Variants in STRN4 observed in about 807,000 individuals in gnomAD.
STRN4 encodes the protein striatin-4.
A neutral mutation model predicts 77.9 loss-of-function variants in STRN4; 27 were observed. That is an observed-to-expected ratio of 0.35 (90% CI 0.26 to 0.48). The LOEUF (loss-of-function observed/expected upper bound fraction) is 0.48, where lower values mean the gene tolerates loss of function less well. Among genes scored for constraint, STRN4 ranks in the 20% least tolerant of loss-of-function variants. The probability of loss-of-function intolerance (pLI) is 0.99; values close to 1 mark genes in which losing one functional copy is unlikely to be tolerated. For synonymous variants in STRN4, 466 were observed against 443.1 expected (o/e 1.05, Z -0.65); for missense variants, 798 against 1,049.7 (o/e 0.76, Z 3.31).
intron 8 of STRN4, 79 bp from the exon 9 acceptor site, chr19:46,727,625 G>C (rs778248893): frequency 1.3e-5 from 15 of 1,186,964 alleles, no homozygotes; most frequent in Non-Finnish European, 1.9e-5. Context: ...GAATGACAGA[G>C]AGAGGCAGAG....
At position 46,725,520 on chromosome 19, in the gene STRN4, G is replaced by A. The variant is rs201109051; in HGVS notation, c.1377C>T (p.Asp459=). Residue 459 remains aspartate, a synonymous_variant, in exon 10 of 18, where the codon GAC becomes GAT. Transcript: ENST00000263280. ...GCAGGTTCCAGAGCTTGAGCGTGCC[G>A]TCCTCGGAGGCGGTGAGCAGAGCCG... ...SQSALLTASE[D]GTLKLWNLQK... The A allele has an allele frequency of 2.2e-5, 36 of 1,614,144 alleles. No homozygotes were observed. The Admixed American group carries it at 2.7e-4, about 12-fold the overall frequency.
chr19:46,727,351 A>T, intron 9 of STRN4, 101 bp downstream of exon 9: 1 of 987,502 alleles, frequency 1.0e-6, no homozygotes, highest in Non-Finnish European at 1.5e-6. Context: ...TCTGTGAAAC[A>T]GGATGAGCAG....
In STRN4 at chr19:46,738,633, G is replaced by A; in HGVS notation, c.386+152C>T. ...ACCCAAATCCCACCTACTCTGTCCT[G>A]TTTCTCCCCTAGAATCTTATGGTAC... On this transcript the variant is annotated intron_variant, in intron 2 of 17. Coordinates refer to ENST00000263280, the MANE Select transcript of STRN4 (RefSeq NM_013403.3). The surrounding 1 kb of genome is among the most constrained non-coding windows in gnomAD (Gnocchi z 4.5). The A allele has an allele frequency of 1.3e-6, 1 of 763,558 alleles. No homozygotes were observed. Among genetic ancestry groups the A allele is most frequent in the Non-Finnish European group, 2.2e-6 (1 of 453,740 alleles). The allele number at this position is 763,558 out of a possible 1,614,324, so 47.3% of individuals were successfully genotyped here.
chr19:46,738,204 G>C lies in STRN4; in HGVS notation c.420C>G (p.Asp140Glu), dbSNP rs1179953180. 6.2e-7 allele frequency: 1 copy of C among 1,614,136 alleles called. No homozygotes were observed. The highest frequency in any genetic ancestry group is 1.7e-5 in the Admixed American group (1 of 60,020). The change falls in exon 3 of 18, where the codon GAC becomes GAG. Residue 140 changes from aspartate (D) to glutamate (E), a missense_variant. Physicochemically the swap from Asp to Glu is conservative, Grantham distance 45. Coordinates refer to ENST00000263280, the MANE Select transcript of STRN4 (RefSeq NM_013403.3). This position sits in a 1 kb window ranked among gnomAD's most constrained non-coding sequence, Gnocchi z 4.5. ...CTGCTTTCTTCTCCCCCTGGTTCAG[G>C]TCTGTCCCAAACTTCAGTTTATGAT... Reference protein sequence around the residue: ...AKYHKLKFGTDLNQGEKKADV... With the variant: ...AKYHKLKFGTELNQGEKKADV...
Position 46,723,139 on chromosome 19 carries a change from G to A in STRN4, c.1740C>T (p.Cys580=), listed in dbSNP as rs1367101203. 1 of 1,568,238 alleles carries A rather than the reference G, an allele frequency of 6.4e-7. No homozygotes were observed. Residue 580 remains cysteine (C), a synonymous_variant, in exon 13 of 18, where the codon TGC becomes TGT. Coordinates refer to ENST00000263280, the MANE Select transcript of STRN4 (RefSeq NM_013403.3). This position sits in a 1 kb window ranked among gnomAD's most constrained non-coding sequence, Gnocchi z 5.5. ...IWDPSSSSPA[C]LCTFPTASEH... is the part of the protein sequence containing the mutation. ...CGCTGGCTGTGGGGAAGGTGCAGAG[G>A]CAGGCCGGGCTGCTGCTGCTGGGGT...
At chr19:46,724,405 C>T (rs1466169814) in intron 12 of STRN4, among the ~76,000 whole-genome samples, 1 of 152,218 alleles carries the variant, frequency 6.6e-6, no homozygotes, top group Non-Finnish European at 1.5e-5. Flanking sequence ...ACCTTCTCTG[C>T]TTTCTCTGGA....
At chr19:46,736,513 A>T (rs1169299779) in intron 4 of STRN4, 1 of 175,212 alleles carries the variant, frequency 5.7e-6, no homozygotes, top group Non-Finnish European at 1.2e-5. Flanking sequence ...CTAAAAAAAA[A>T]AAAAAAAAAG....
chr19:46,724,507 C>T (rs1009371198), intron 12 of STRN4, among the ~76,000 whole-genome samples: 3 of 152,218 alleles, frequency 2.0e-5, no homozygotes, highest in African/African-American at 7.2e-5. Flanking sequence ...GGGCCAGCCA[C>T]GCCTGTGCAT....
At chr19:46,727,646 A>G (rs1330229766) in intron 8 of STRN4, 100 bp from the exon 9 acceptor site, 2 of 967,848 alleles carry the variant, frequency 2.1e-6, no homozygotes, top group Non-Finnish European at 3.2e-6. Context: ...AAAGAGATAA[A>G]GAGCAAGAGA....
intron 8 of STRN4, 65 bp from the exon 9 acceptor site, chr19:46,727,611 G>GA: frequency 7.4e-7 from 1 of 1,357,766 alleles, no homozygotes; most frequent in Admixed American, 1.8e-5. Flanking sequence ...GCCAGGGAGA[G>GA]AGAGAATGAC....
In STRN4 at chr19:46,728,312, G is replaced by A. The variant is rs539371122; in HGVS notation, c.1040-305C>T. The A allele has an allele frequency of 1.2e-3, 721 of 588,844 alleles. 1 individual carries two copies. The highest frequency in any genetic ancestry group is 1.9e-3 in the Non-Finnish European group (641 of 329,260). 36.5% of individuals were successfully genotyped at this position (588,844 alleles called of 1,614,324 possible). ...GCGGCCCTCCCACCTGCCTCTCCCC[G>A]ACTGGGTCCTCATCCTGTTCCCTCC... On this transcript the variant is annotated intron_variant, in intron 7 of 17. Coordinates refer to ENST00000263280, the MANE Select transcript of STRN4 (RefSeq NM_013403.3).
chr19:46,730,114 C>T (rs2054213891), intron 6 of STRN4, among the ~76,000 whole-genome samples: 1 of 152,196 alleles, frequency 6.6e-6, no homozygotes, highest in Admixed American at 6.5e-5. Flanking sequence ...AAGGACCAAG[C>T]GTCTGGACCA....
At chr19:46,745,558 C>G (rs2054568788) in intron 1 of STRN4, among the ~76,000 whole-genome samples, 1 of 152,118 alleles carries the variant, frequency 6.6e-6, no homozygotes, top group Non-Finnish European at 1.5e-5. Flanking sequence ...CTCCCTAAAT[C>G]CTCCCGGTTC....
chr19:46,735,031 C>T (rs544719223), intron 4 of STRN4, among the ~76,000 whole-genome samples: 10 of 152,016 alleles, frequency 6.6e-5, no homozygotes, highest in East Asian at 1.9e-4. Flanking sequence ...CTGGGCTGGG[C>T]GCGGTGGCTC....
rs1310721946 is a variant in STRN4 at position 46,727,883 on chromosome 19, G to A, written c.1153+11C>T. On this transcript the variant is annotated intron_variant, in intron 8 of 17. Coordinates refer to ENST00000263280, the MANE Select transcript of STRN4 (RefSeq NM_013403.3). ...CCGCAGGACTGGGACCAGGTGGGGG[G>A]TGCCTCTTACCTTCATGTGGCCGGG... 3.8e-6 allele frequency: 6 copies of A among 1,586,778 alleles called. No individual in the cohort carries two copies. Among genetic ancestry groups the A allele is most frequent in the East Asian group, 4.5e-5 (2 of 44,582 alleles).
chr19:46,743,598 G>C (rs938078310), intron 1 of STRN4, among the ~76,000 whole-genome samples: 1 of 152,070 alleles, frequency 6.6e-6, no homozygotes, highest in Non-Finnish European at 1.5e-5. Context: ...TACAGAACAT[G>C]GGCTTAAAAG....
intron 1 of STRN4, among the ~76,000 whole-genome samples, chr19:46,744,685 C>T (rs373883708): frequency 2.4e-4 from 36 of 152,108 alleles, no homozygotes; most frequent in African/African-American, 8.0e-4. Context: ...GCACCCCATC[C>T]CTACCGACAC....
At chr19:46,722,675 T>C in intron 14 of STRN4, 135 bp downstream of exon 14, 2 of 1,384,864 alleles carry the variant, frequency 1.4e-6, no homozygotes, top group South Asian at 2.7e-5. Flanking sequence ...GGGACCCAAC[T>C]TCCTTCCTGC....
At chr19:46,744,356 T>A (rs1462789101) in intron 1 of STRN4, among the ~76,000 whole-genome samples, 1 of 151,472 alleles carries the variant, frequency 6.6e-6, no homozygotes, top group African/African-American at 2.4e-5. Context: ...AGGGGGAGAG[T>A]TACTGGAGGG....
Sources: allele counts gnomAD v4.1 joint callset (sites outside exome capture counted in the v4.1 genomes callset), GRCh38; gene constraint gnomAD v4.1.1; non-coding constraint Gnocchi (gnomAD v3.1); transcripts MANE v1.5; gene names NCBI Gene and HGNC (gene_info 2026-07-23, HGNC 2026-07-21).